Variants in CD36 observed in about 807,000 individuals in gnomAD.
CD36 encodes the protein CD36 molecule (CD36 blood group), also known as platelet glycoprotein 4.
Under a neutral mutation model 55.2 loss-of-function variants are expected in CD36, and 119 were observed. The ratio of observed to expected loss-of-function variants is 2.15; its 90% CI spans 1.86 to 2.51. The LOEUF is 2.51. Ranked by LOEUF, CD36 falls within the 30% of genes most tolerant of loss-of-function variation. The probability of loss-of-function intolerance (pLI) is 0.00; values close to 1 mark genes in which losing one functional copy is unlikely to be tolerated. For missense variants in CD36, 819 were observed against 555.5 expected (o/e 1.47, Z -4.77); for synonymous variants, 186 against 193.6 (o/e 0.96, Z 0.33).
intron 4 of CD36, among the ~76,000 whole-genome samples, chr7:80,657,566 G>T (rs1796189360): frequency 6.6e-6 from 1 of 152,238 alleles, no homozygotes; most frequent in Non-Finnish European, 1.5e-5. Context: ...TGGATGTGAG[G>T]TCACTTGTCC....
chr7:80,656,795 C>G, intron 4 of CD36, 95 bp downstream of exon 4: 2 of 1,132,340 alleles, frequency 1.8e-6, no homozygotes, highest in Non-Finnish European at 2.6e-6. Flanking sequence ...TTGAAATGTA[C>G]TTATTATTTT....
intron 1 of CD36, among the ~76,000 whole-genome samples, chr7:80,625,959 A>G (rs1416923850): frequency 2.6e-5 from 4 of 152,176 alleles, no homozygotes; most frequent in Non-Finnish European, 4.4e-5. Flanking sequence ...TTATTATTCA[A>G]TAAATTAAAT....
intron 3 of CD36, among the ~76,000 whole-genome samples, chr7:80,649,213 A>G (rs1297129182): frequency 6.6e-6 from 1 of 152,084 alleles, no homozygotes; most frequent in Non-Finnish European, 1.5e-5. Flanking sequence ...CAAGTCCTTA[A>G]ATCAACTTGC....
intron 5 of CD36, among the ~76,000 whole-genome samples, chr7:80,661,789 T>G (rs1471635324): frequency 6.6e-6 from 1 of 152,076 alleles, no homozygotes; most frequent in Non-Finnish European, 1.5e-5. Context: ...TCAATATAAT[T>G]TAAGGGAAAA....
At chr7:80,650,055 T>G (rs1156228695) in intron 3 of CD36, among the ~76,000 whole-genome samples, 4 of 152,092 alleles carry the variant, frequency 2.6e-5, no homozygotes, top group Admixed American at 2.6e-4. Context: ...CTTCTTGTTT[T>G]TGAAATAAGA....
chr7:80,616,272 A>G (rs1178840353), intron 1 of CD36, among the ~76,000 whole-genome samples: 2 of 152,194 alleles, frequency 1.3e-5, no homozygotes, highest in East Asian at 3.9e-4. Flanking sequence ...ATCATCTAAT[A>G]CAGAGCATAT....
chr7:80,677,750 G>T lies in CD36; in HGVS notation c.*1367G>T, dbSNP rs919467262. 3 of 152,108 alleles carry T rather than the reference G, an allele frequency of 2.0e-5. No individual in the cohort carries two copies. In the East Asian group the frequency reaches 5.8e-4, roughly 29 times the overall value. The allele number at this position is 152,108 out of a possible 1,614,324, so 9.4% of individuals were successfully genotyped here. ...TTTTTTAATCATTGAGGCATGTAGG[G>T]CTGAGTTATATAATGTAGAAACTTC... On this transcript the variant is annotated 3_prime_UTR_variant, in exon 15 of 15. Coordinates refer to ENST00000447544, the MANE Select transcript of CD36 (RefSeq NM_001001548.3).
intron 3 of CD36, among the ~76,000 whole-genome samples, chr7:80,648,914 A>T (rs749872800): frequency 2.0e-5 from 3 of 152,112 alleles, no homozygotes; most frequent in Non-Finnish European, 4.4e-5. Context: ...GGAAGAAGGT[A>T]GAGAATGTGC....
upstream of CD36, chr7:80,638,587 T>TGGG (rs796662034): frequency 7.9e-6 from 1 of 126,272 alleles, no homozygotes; most frequent in African/African-American, 3.0e-5. Flanking sequence ...TCTCTTTTTT[T>TGGG]GGGGGGGGGA....
At position 80,677,068 on chromosome 7, in the gene CD36, C is replaced by G. The variant is rs1011573034; in HGVS notation, c.*685C>G. 2 of 152,096 alleles carry G rather than the reference C, an allele frequency of 1.3e-5. No individual in the cohort carries two copies. The highest frequency in any genetic ancestry group is 1.5e-5 in the Non-Finnish European group (1 of 68,010). The allele number at this position is 152,096 out of a possible 1,614,324, so 9.4% of individuals were successfully genotyped here. A position where few individuals can be genotyped will look rare whatever the true frequency, so the allele number is the denominator to read the frequency against. On this transcript the variant is annotated 3_prime_UTR_variant, in exon 15 of 15. Coordinates refer to ENST00000447544, the MANE Select transcript of CD36 (RefSeq NM_001001548.3). ...TAAAATGTTTATCCTAATTTTCTCT[C>G]TGAAGTATATTTTATCTGAATCCAC...
chr7:80,634,075 GAA>G (rs1377732406), upstream of CD36, among the ~76,000 whole-genome samples: 1 of 151,738 alleles, frequency 6.6e-6, no homozygotes, highest in Non-Finnish European at 1.5e-5. Context: ...TTTCTTTGAA[GAA>G]AAGAGTATAG....
intron 4 of CD36, 151 bp downstream of exon 4, chr7:80,656,851 T>A: frequency 1.4e-6 from 1 of 693,740 alleles, no homozygotes; most frequent in Non-Finnish European, 2.4e-6. Context: ...CTGTATAGAA[T>A]CCTAATCTAA....
intron 14 of CD36, 174 bp downstream of exon 14, chr7:80,674,321 A>G (rs1010251830): frequency 6.9e-6 from 4 of 575,608 alleles, no homozygotes; most frequent in Non-Finnish European, 1.2e-5. Context: ...GCAGATCACT[A>G]AAGTATATCT....
Position 80,660,936 on chromosome 7 carries a change from T to G in CD36, c.282-127T>G. On this transcript the variant is annotated intron_variant, in intron 4 of 14. Transcript: ENST00000447544. The stretch of plus-strand genomic sequence containing the variant: ...TGGCTGATTTCTCATTTTAACACCA[T>G]TGCTTACATACTATCTATCTGGCAT... 9.2e-6 allele frequency: 7 copies of G among 761,820 alleles called. No homozygotes were observed. The South Asian group carries it at 1.1e-4, about 12-fold the overall frequency. The allele number at this position is 761,820 out of a possible 1,614,324, so 47.2% of individuals were successfully genotyped here.
rs1797959135 is a variant in CD36, at chr7:80,673,724, A to C, written c.1255-259A>C. 3 of 567,938 alleles carry C rather than the reference A, an allele frequency of 5.3e-6. No individual in the cohort carries two copies. The Admixed American group carries it at 9.4e-5, about 18-fold the overall frequency. The allele number at this position is 567,938 out of a possible 1,614,324, so 35.2% of individuals were successfully genotyped here. On this transcript the variant is annotated intron_variant, in intron 13 of 14. Transcript: ENST00000447544. ...ATAAAAATAGGAAAAACATTGAATAAGTCTTTGGAGCAAATGAAACTGTTG... is the reference window on the plus strand; with the variant it reads ...ATAAAAATAGGAAAAACATTGAATACGTCTTTGGAGCAAATGAAACTGTTG...
chr7:80,605,010 T>G (rs1792463729), intron 1 of CD36, among the ~76,000 whole-genome samples: 1 of 152,162 alleles, frequency 6.6e-6, no homozygotes, highest in African/African-American at 2.4e-5. Context: ...TTCTTGTATC[T>G]CATTCTGGTC....
At chr7:80,651,383 CTAAAA>C (rs1349416966) in intron 3 of CD36, among the ~76,000 whole-genome samples, 1 of 151,772 alleles carries the variant, frequency 6.6e-6, no homozygotes, top group Non-Finnish European at 1.5e-5. Flanking sequence ...ACCTCTGACC[CTAAAA>C]TAAAAGTTGG....
chr7:80,612,832 G>A (rs1190403456), intron 1 of CD36, among the ~76,000 whole-genome samples: 1 of 152,090 alleles, frequency 6.6e-6, no homozygotes, highest in Non-Finnish European at 1.5e-5. Flanking sequence ...ATATCACATA[G>A]TTATTATTTT....
intron 1 of CD36, chr7:80,624,219 G>T (rs1793627590): frequency 6.6e-6 from 1 of 152,108 alleles, no homozygotes; most frequent in African/African-American, 2.4e-5. Context: ...TCACAGTAAA[G>T]TTACCTAATC....
Sources: allele counts gnomAD v4.1 joint callset (sites outside exome capture counted in the v4.1 genomes callset), GRCh38; gene constraint gnomAD v4.1.1; transcripts MANE v1.5; gene names NCBI Gene and HGNC (gene_info 2026-07-23, HGNC 2026-07-21).